The following FOSL2 variants were observed in gnomAD, a reference collection of about 807,000 sequenced individuals.
The protein encoded by FOSL2 is FOS like 2, AP-1 transcription factor subunit.
A neutral mutation model predicts 27.7 loss-of-function variants in FOSL2; 3 were observed. That is an observed-to-expected ratio of 0.11 (90% confidence interval 0.05 to 0.28). The LOEUF (loss-of-function observed/expected upper bound fraction) is 0.28, where lower values mean the gene tolerates loss of function less well. Among genes scored for constraint, FOSL2 ranks in the 10% least tolerant of loss-of-function variants. FOSL2 has a pLI of 1.00. For synonymous variants in FOSL2, 179 were observed against 190.1 expected (o/e 0.94, Z 0.48); for missense variants, 333 against 445.1 (o/e 0.75, Z 2.27).
chr2:28,410,090 C>T (rs1005811131), intron 3 of FOSL2, among the ~76,000 whole-genome samples: 2 of 152,172 alleles, frequency 1.3e-5, no homozygotes, highest in Non-Finnish European at 2.9e-5. Context: ...CCCACTTAGG[C>T]TTGTCTTTCT....
Position 28,408,775 on chromosome 2 carries a change from A to T in FOSL2, c.371A>T (p.Glu124Val). ...GGCCTCTAGCTGTCTCCTGAAGAGG[A>T]GGAGAAGCGTCGCATCCGGCGGGAG... ...RRDEQLSPEEEEKRRIRRERN... is the reference protein window; with the variant it reads ...RRDEQLSPEEVEKRRIRRERN... The change falls in exon 3 of 4, where the codon GAG becomes GTG. Residue 124 changes from glutamate (E) to valine (V), a missense_variant. Glu to Val is a moderately radical substitution (Grantham distance 121). This residue lies in a region of FOSL2 where 40 missense variants were observed against 104.2 expected (regional missense o/e 0.38). Transcript: ENST00000264716. This position sits in a 1 kb window ranked among gnomAD's most constrained non-coding sequence, Gnocchi z 4.1. The T allele has an allele frequency of 6.2e-7, 1 of 1,611,148 alleles. No individual in the cohort carries two copies. Among genetic ancestry groups the T allele is most frequent in the Non-Finnish European group, 8.5e-7 (1 of 1,178,678 alleles).
intron 2 of FOSL2, among the ~76,000 whole-genome samples, chr2:28,406,932 G>T (rs1444228434): frequency 6.6e-6 from 1 of 152,230 alleles, no homozygotes; most frequent in Non-Finnish European, 1.5e-5. Flanking sequence ...GGGGAGGGGA[G>T]GGTGTGTGTG....
rs1664258537 is a variant in FOSL2 at position 28,413,839 on chromosome 2, C to G, written c.*1391C>G. 2.5e-6 allele frequency: 1 copy of G among 398,878 alleles called. No homozygotes were observed. The highest frequency in any genetic ancestry group is 3.6e-5 in the East Asian group (1 of 28,094). 24.7% of individuals were successfully genotyped at this position (398,878 alleles called of 1,614,324 possible). ...TGTGGCTTGTGGCTCATGCGCCATT[C>G]CTGGTTGTCTGTTGAATCTTTCTGG... On this transcript the variant is annotated 3_prime_UTR_variant, in exon 4 of 4. Transcript: ENST00000264716.
Position 28,412,205 on chromosome 2 carries a change from C to G in FOSL2, c.738C>G (p.Ile246Met). 6.2e-7 allele frequency: 1 copy of G among 1,613,222 alleles called. No homozygotes were observed. Among genetic ancestry groups the G allele is most frequent in the Non-Finnish European group, 8.5e-7 (1 of 1,179,734 alleles). Residue 246 changes from isoleucine (I) to methionine (M), a missense_variant, in exon 4 of 4, where the codon ATC becomes ATG. Ile to Met is a conservative substitution (Grantham distance 10, BLOSUM62 1). Around this residue, in one of 4 missense-constraint regions of FOSL2, gnomAD observed 136 missense variants for 123.7 expected, o/e 1.10. Coordinates refer to ENST00000264716, the MANE Select transcript of FOSL2 (RefSeq NM_005253.4). The surrounding 1 kb of genome is among the most constrained non-coding windows in gnomAD (Gnocchi z 7.1). Reference protein sequence around the residue: ...AGLDKAQRSVIKPISIAGGFY... With the variant: ...AGLDKAQRSVMKPISIAGGFY... ...TGGACAAGGCCCAGCGCTCTGTCAT[C>G]AAGCCCATCAGCATTGCTGGGGGCT...
At chr2:28,402,340 C>T (rs749682873) in intron 1 of FOSL2, among the ~76,000 whole-genome samples, 2 of 152,232 alleles carry the variant, frequency 1.3e-5, no homozygotes, top group Non-Finnish European at 2.9e-5. Context: ...GCCTGGGCCC[C>T]CGAGGTGGTC....
At chr2:28,399,842 A>G (rs1663935273) in intron 1 of FOSL2, among the ~76,000 whole-genome samples, 1 of 152,124 alleles carries the variant, frequency 6.6e-6, no homozygotes, top group South Asian at 2.1e-4. Flanking sequence ...AGTCCTGCCT[A>G]TTTGTTTACA....
At chr2:28,405,489 T>C (rs1664057166) in intron 2 of FOSL2, among the ~76,000 whole-genome samples, 1 of 152,218 alleles carries the variant, frequency 6.6e-6, no homozygotes, top group African/African-American at 2.4e-5. Flanking sequence ...TCAACCACTG[T>C]CCATCTTCAC....
At chr2:28,395,453 A>G (rs1032592649) in intron 1 of FOSL2, 1 of 152,228 alleles carries the variant, frequency 6.6e-6, no homozygotes, top group African/African-American at 2.4e-5. Flanking sequence ...CCTGGAGGGA[A>G]GTCAGACCGG....
Position 28,413,434 on chromosome 2 carries a change from TC to T in FOSL2, c.*988del, listed in dbSNP as rs913427077. 105 of 398,662 alleles carry T rather than the reference TC, an allele frequency of 2.6e-4. No homozygotes were observed. The highest frequency in any genetic ancestry group is 2.1e-3 in the African/African-American group (103 of 48,724). 24.7% of individuals were successfully genotyped at this position (398,662 alleles called of 1,614,324 possible). A position where few individuals can be genotyped will look rare whatever the true frequency, so the allele number is the denominator to read the frequency against. On this transcript the variant is annotated 3_prime_UTR_variant, in exon 4 of 4. Transcript: ENST00000264716. ...ATTATACTCCAAGTCCCTGCCGGGC[TC>T]CGCCTTTCCCCCACCCTGGCTCTCA...
At position 28,412,158 on chromosome 2, in the gene FOSL2, C is replaced by T; in HGVS notation, c.691C>T (p.Pro231Ser). 1.2e-6 allele frequency: 2 copies of T among 1,608,248 alleles called. No homozygotes were observed. The highest frequency in any genetic ancestry group is 1.3e-5 in the African/African-American group (1 of 74,854). The change falls in exon 4 of 4, where the codon CCC (proline) becomes TCC (serine). Residue 231 changes from proline (P) to serine (S), a missense_variant. Physicochemically the swap from Pro to Ser is moderately conservative, Grantham distance 74. Transcript: ENST00000264716. This position sits in a 1 kb window ranked among gnomAD's most constrained non-coding sequence, Gnocchi z 7.1. ...VKQEPLEEDSPSSSSAGLDKA... is the reference protein window; with the variant it reads ...VKQEPLEEDSSSSSSAGLDKA... ...ACAGGAGCCCCTGGAAGAGGACAGC[C>T]CCTCGTCCTCGTCGGCGGGGCTGGA...
At chr2:28,411,743 C>T in intron 3 of FOSL2, 187 bp from the exon 4 acceptor site, 1 of 634,124 alleles carries the variant, frequency 1.6e-6, no homozygotes, top group South Asian at 1.9e-5. Flanking sequence ...AGCTGACTTT[C>T]CTTCTTTGGA....
intron 1 of FOSL2, among the ~76,000 whole-genome samples, chr2:28,399,326 G>C (rs1663923493): frequency 6.6e-6 from 1 of 152,160 alleles, no homozygotes; most frequent in Non-Finnish European, 1.5e-5. Flanking sequence ...CCAAACCCTA[G>C]TTCCAATACC....
At chr2:28,403,266 A>C (rs1213764703) in intron 1 of FOSL2, among the ~76,000 whole-genome samples, 1 of 152,194 alleles carries the variant, frequency 6.6e-6, no homozygotes. Flanking sequence ...TTTAAATAGA[A>C]TGCTTCCTGC....
rs758593606 is a variant in FOSL2, at chr2:28,412,051, C to T, written c.584C>T (p.Pro195Leu). The change falls in exon 4 of 4, where the codon CCC becomes CTC. Residue 195 changes from proline to leucine, a missense_variant. Physicochemically the swap from Pro to Leu is moderately conservative, Grantham distance 98. This residue lies in a region of FOSL2 where 136 missense variants were observed against 123.7 expected (regional missense o/e 1.10). Coordinates refer to ENST00000264716, the MANE Select transcript of FOSL2 (RefSeq NM_005253.4). The surrounding 1 kb of genome is among the most constrained non-coding windows in gnomAD (Gnocchi z 7.1). ...VAHGPVCKIS[P>L]EERRSPPAPG... ...CACGGCCCAGTGTGCAAGATTAGCC[C>T]CGAGGAGCGCCGATCGCCCCCAGCC... 9 of 1,608,722 alleles carry T rather than the reference C, an allele frequency of 5.6e-6. No homozygotes were observed. In the African/African-American group the frequency reaches 1.2e-4, roughly 22 times the overall value.
rs778317269 is a variant in FOSL2, at chr2:28,411,838, C to T, written c.463-92C>T. On this transcript the variant is annotated intron_variant, in intron 3 of 3. Coordinates refer to ENST00000264716, the MANE Select transcript of FOSL2 (RefSeq NM_005253.4). Reference sequence around the variant, plus strand: ...TTAGGTGTGTGAGCCTCTGCTCTCACAGTGTCTGAGAACATTACTGGTTTT... The same window carrying T: ...TTAGGTGTGTGAGCCTCTGCTCTCATAGTGTCTGAGAACATTACTGGTTTT... 1.4e-5 allele frequency: 20 copies of T among 1,392,572 alleles called. No individual in the cohort carries two copies. In the South Asian group the frequency reaches 2.2e-4, roughly 16 times the overall value. 86.3% of individuals were successfully genotyped at this position (1,392,572 alleles called of 1,614,324 possible). A position where few individuals can be genotyped will look rare whatever the true frequency, so the allele number is the denominator to read the frequency against.
Position 28,407,564 on chromosome 2 carries a change from C to T in FOSL2, c.355-1195C>T, listed in dbSNP as rs75308006. Among the ~76,000 whole-genome samples, 689 of 152,332 alleles carry T rather than the reference C, an allele frequency of 4.5e-3. 2 individuals are homozygous for T. Among genetic ancestry groups the T allele is most frequent in the Non-Finnish European group, 7.8e-3 (529 of 68,020 alleles). On this transcript the variant is annotated intron_variant, in intron 2 of 3. Transcript: ENST00000264716. ...GACCTGAAGTCCAGGCAGTATCCCT[C>T]CTTGGGGTAGCTTCTCCCTGCTCCT...
intron 1 of FOSL2, among the ~76,000 whole-genome samples, chr2:28,397,352 C>T (rs769539424): frequency 1.3e-5 from 2 of 151,650 alleles, no homozygotes; most frequent in South Asian, 4.2e-4. Context: ...GGGGCTTGTT[C>T]AGTTGGTGGG....
At position 28,404,030 on chromosome 2, in the gene FOSL2, C is replaced by A; in HGVS notation, c.103-77C>A. On this transcript the variant is annotated intron_variant, in intron 1 of 3. Coordinates refer to ENST00000264716, the MANE Select transcript of FOSL2 (RefSeq NM_005253.4). This position sits in a 1 kb window ranked among gnomAD's most constrained non-coding sequence, Gnocchi z 4.7. ...TGCTCTGTGCTGGTTTTTGCCTCAG[C>A]TCTGTTCAATTATTATTAACTATCC... 2 of 1,554,266 alleles carry A rather than the reference C, an allele frequency of 1.3e-6. No individual in the cohort carries two copies. The highest frequency in any genetic ancestry group is 1.8e-6 in the Non-Finnish European group (2 of 1,139,508).
intron 1 of FOSL2, among the ~76,000 whole-genome samples, chr2:28,394,305 G>T (rs955705265): frequency 6.6e-6 from 1 of 152,174 alleles, no homozygotes; most frequent in Non-Finnish European, 1.5e-5. Flanking sequence ...TCTGAAAGGG[G>T]TTGGGGACCC....
Sources: allele counts gnomAD v4.1 joint callset (sites outside exome capture counted in the v4.1 genomes callset), GRCh38; gene constraint gnomAD v4.1.1; regional missense constraint gnomAD v4.1.1; non-coding constraint Gnocchi (gnomAD v3.1); transcripts MANE v1.5; gene names NCBI Gene and HGNC (gene_info 2026-07-23, HGNC 2026-07-21).